Variants in IRAG2 observed in about 807,000 individuals in gnomAD.
IRAG2 encodes the protein lymphoid restricted membrane protein.
IRAG2 carries 45 observed loss-of-function variants against 69.9 expected under a neutral mutation model. The observed-to-expected ratio is 0.64, with a 90% CI of 0.51 to 0.83. IRAG2 has a LOEUF of 0.83. Ranked by LOEUF, IRAG2 falls within the 40% of genes least tolerant of loss-of-function variation. IRAG2 has a pLI of 0.00. For missense variants in IRAG2, 520 were observed against 587.0 expected, an observed-to-expected ratio of 0.89 and a Z score of 1.18; for synonymous variants, 193 against 202.4, an observed-to-expected ratio of 0.95 and a Z score of 0.40.
At chr12:25,085,763 T>C (rs1434802460) in intron 10 of IRAG2, among the ~76,000 whole-genome samples, 2 of 140,366 alleles carry the variant, frequency 1.4e-5, no homozygotes, top group African/African-American at 6.6e-5. Flanking sequence ...CACATCCTCT[T>C]ATATACTTTA....
chr12:25,039,499 C>T (rs1441709877), intron 16 of IRAG2, among the ~76,000 whole-genome samples: 1 of 152,198 alleles, frequency 6.6e-6, no homozygotes, highest in Admixed American at 6.5e-5. Flanking sequence ...GGCGTGATCT[C>T]TGCTCACTGC....
chr12:25,026,516 A>T (rs966316209), intron 8 of IRAG2, among the ~76,000 whole-genome samples: 2 of 151,950 alleles, frequency 1.3e-5, no homozygotes, highest in Non-Finnish European at 2.9e-5. Flanking sequence ...TCCAGGGGGG[A>T]TTGAAGGTTT....
At chr12:25,038,291 T>C (rs1255593745) in intron 16 of IRAG2, among the ~76,000 whole-genome samples, 2 of 152,316 alleles carry the variant, frequency 1.3e-5, no homozygotes, top group South Asian at 2.1e-4. Context: ...AATTCTGAAT[T>C]GTAAAATAGT....
chr12:25,063,066 C>A (rs1282363915), intron 3 of IRAG2, among the ~76,000 whole-genome samples, 166 bp downstream of exon 3: 1 of 152,172 alleles, frequency 6.6e-6, no homozygotes, highest in Non-Finnish European at 1.5e-5. Flanking sequence ...TGTAAATGTA[C>A]ACATACACAC....
At chr12:25,086,277 CA>C (rs79994583) in intron 10 of IRAG2, among the ~76,000 whole-genome samples, 64,333 of 151,760 alleles carry the variant, frequency 0.42, 13,764 homozygotes, top group Admixed American at 0.53. Context: ...GATGACATGT[CA>C]CGGGTATGGG....
intron 10 of IRAG2, among the ~76,000 whole-genome samples, chr12:25,030,718 G>C (rs1323573373): frequency 1.3e-5 from 2 of 152,166 alleles, no homozygotes; most frequent in Non-Finnish European, 2.9e-5. Flanking sequence ...GATGTCATGA[G>C]ACTTTCCTTT....
chr12:25,005,266 T>C lies in IRAG2; in HGVS notation c.600T>C (p.Gly200=), dbSNP rs182858421. ...GATGGAAACAAGAAGCTGATGATGG[T>C]AAAGAAGATGTAATATACAGCATCA... Residue 200 remains glycine, a synonymous_variant, in exon 2 of 39, where the codon GGT becomes GGC. Coordinates refer to the IRAG2 transcript ENST00000636465. 2.4e-5 allele frequency: 29 copies of C among 1,230,094 alleles called. No homozygotes were observed. In the East Asian group the frequency reaches 8.2e-4, roughly 35 times the overall value. 76.2% of individuals were successfully genotyped at this position (1,230,094 alleles called of 1,614,324 possible). A position where few individuals can be genotyped will look rare whatever the true frequency, so the allele number is the denominator to read the frequency against.
At chr12:25,026,728 G>T (rs777220176) in intron 8 of IRAG2, 9 of 799,402 alleles carry the variant, frequency 1.1e-5, no homozygotes, top group Non-Finnish European at 1.5e-5. Flanking sequence ...AAGAGACTTT[G>T]TTTGTCCTCA....
intron 8 of IRAG2, among the ~76,000 whole-genome samples, chr12:25,026,530 G>A (rs545446191): frequency 1.3e-5 from 2 of 152,232 alleles, no homozygotes; most frequent in Admixed American, 1.3e-4. Flanking sequence ...AAGGTTTGTG[G>A]GTATAGAGGA....
At chr12:25,023,051 G>T (rs143050135) in intron 7 of IRAG2, among the ~76,000 whole-genome samples, 1 of 151,396 alleles carries the variant, frequency 6.6e-6, no homozygotes, top group Non-Finnish European at 1.5e-5. Context: ...ACTTGAACCC[G>T]GGAGGTGGAG....
intron 16 of IRAG2, among the ~76,000 whole-genome samples, chr12:25,041,924 T>G (rs1944753615): frequency 6.6e-6 from 1 of 151,422 alleles, no homozygotes; most frequent in South Asian, 2.1e-4. Flanking sequence ...ATAGTAAGAA[T>G]AAGCAGTGCT....
intron 8 of IRAG2, 83 bp from the exon 9 acceptor site, chr12:25,079,573 C>T (rs527414778): frequency 7.9e-7 from 1 of 1,269,728 alleles, no homozygotes; most frequent in Admixed American, 1.7e-5. Flanking sequence ...TAGGCAAATA[C>T]TCCTTTTGCA....
upstream of IRAG2, among the ~76,000 whole-genome samples, chr12:25,000,314 G>T (rs1191936823): frequency 6.6e-6 from 1 of 152,182 alleles, no homozygotes; most frequent in Non-Finnish European, 1.5e-5. Flanking sequence ...GGGCATAGTG[G>T]CATGTGCCTG....
At chr12:25,065,241 A>C (rs1945901125) in intron 4 of IRAG2, among the ~76,000 whole-genome samples, 1 of 152,230 alleles carries the variant, frequency 6.6e-6, no homozygotes, top group African/African-American at 2.4e-5. Context: ...GAAACAGAGG[A>C]ACATTGAGTT....
Position 25,079,235 on chromosome 12 carries a change from T to C in IRAG2, c.25-9T>C, listed in dbSNP as rs1947031128. 2 of 1,613,790 alleles carry C rather than the reference T, an allele frequency of 1.2e-6. No homozygotes were observed. The highest frequency in any genetic ancestry group is 1.6e-4 in the Middle Eastern group (1 of 6,082). On this transcript the variant is annotated splice_polypyrimidine_tract_variant and intron_variant, in intron 6 of 21. Coordinates refer to ENST00000556887, the MANE Select transcript of IRAG2 (RefSeq NM_001366544.2). The stretch of plus-strand genomic sequence containing the variant: ...TGTTGAACTTATGTCTCCTTTCTTT[T>C]TCCTTAAGGAGAATGGTGTTGAACG...
chr12:25,090,282 C>A, intron 14 of IRAG2, 85 bp downstream of exon 14: 1 of 1,317,000 alleles, frequency 7.6e-7, no homozygotes, highest in Non-Finnish European at 1.1e-6. Flanking sequence ...CTTTGGGAGG[C>A]CAAGGCAGGA....
intron 5 of IRAG2, among the ~76,000 whole-genome samples, chr12:25,016,173 G>T (rs1477646178): frequency 6.7e-6 from 1 of 148,966 alleles, no homozygotes; most frequent in Non-Finnish European, 1.5e-5. Context: ...TCTAGCCTGG[G>T]CGACAGAGCG....
At chr12:25,017,320 G>A in intron 6 of IRAG2, 1 of 1,231,734 alleles carries the variant, frequency 8.1e-7, no homozygotes, top group Non-Finnish European at 1.0e-6. Flanking sequence ...CCAGTGTGCG[G>A]GGAACTTTCA....
At chr12:25,029,394 C>G (rs933955342) in intron 9 of IRAG2, among the ~76,000 whole-genome samples, 13 of 152,182 alleles carry the variant, frequency 8.5e-5, no homozygotes, top group African/African-American at 3.1e-4. Context: ...ATTTTCACAT[C>G]TACTAAATGG....
Sources: allele counts gnomAD v4.1 joint callset (sites outside exome capture counted in the v4.1 genomes callset), GRCh38; gene constraint gnomAD v4.1.1; transcripts MANE v1.5; gene names NCBI Gene and HGNC (gene_info 2026-07-23, HGNC 2026-07-21).